The following CNTN3 variants were observed in gnomAD, a reference collection of about 807,000 sequenced individuals.
CNTN3 encodes contactin-3.
CNTN3 carries 60 observed loss-of-function variants against 119.1 expected under a neutral mutation model. The ratio of observed to expected loss-of-function variants is 0.50; its 90% confidence interval spans 0.41 to 0.62. The LOEUF (loss-of-function observed/expected upper bound fraction) is 0.62, where lower values mean the gene tolerates loss of function less well. CNTN3 is among the 20% of genes least tolerant of loss of function. CNTN3 has a pLI of 0.00. For synonymous variants in CNTN3, 450 were observed against 438.7 expected (o/e 1.03, Z -0.32); for missense variants, 1,101 against 1,242.4 (o/e 0.89, Z 1.71).
intron 16 of CNTN3, among the ~76,000 whole-genome samples, chr3:74,300,174 T>A (rs1252756728): frequency 1.3e-5 from 2 of 152,062 alleles, no homozygotes; most frequent in African/African-American, 4.8e-5. Flanking sequence ...TCTCAAACAG[T>A]AATAAAAACA....
intron 4 of CNTN3, among the ~76,000 whole-genome samples, chr3:74,449,547 T>C (rs976651245): frequency 6.6e-6 from 1 of 152,130 alleles, no homozygotes; most frequent in Non-Finnish European, 1.5e-5. Flanking sequence ...GAAGGGGTTT[T>C]GGATCTATTA....
intron 8 of CNTN3, among the ~76,000 whole-genome samples, chr3:74,368,201 A>T (rs1704245054): frequency 1.3e-5 from 2 of 152,128 alleles, no homozygotes; most frequent in Non-Finnish European, 1.5e-5. Flanking sequence ...TGCCAGAAGT[A>T]ATGCACTGGT....
chr3:74,521,575 C>A (rs564309979), intron 1 of CNTN3, among the ~76,000 whole-genome samples: 1 of 151,848 alleles, frequency 6.6e-6, no homozygotes, highest in East Asian at 1.9e-4. Flanking sequence ...AAGCAGATAT[C>A]TTGAAGCACT....
intron 2 of CNTN3, among the ~76,000 whole-genome samples, chr3:74,516,756 G>T (rs529365639): frequency 6.6e-6 from 1 of 151,028 alleles, no homozygotes; most frequent in Non-Finnish European, 1.5e-5. Flanking sequence ...AATTCCAGGC[G>T]CTGAGCTAGC....
intron 1 of CNTN3, among the ~76,000 whole-genome samples, chr3:74,598,072 C>G (rs1704843003): frequency 6.6e-6 from 1 of 151,966 alleles, no homozygotes; most frequent in Non-Finnish European, 1.5e-5. Context: ...CATGCTGCTC[C>G]TCCCCAGAAA....
At chr3:74,477,905 A>G (rs955608903) in intron 4 of CNTN3, among the ~76,000 whole-genome samples, 5 of 152,158 alleles carry the variant, frequency 3.3e-5, no homozygotes, top group African/African-American at 1.2e-4. Context: ...AGATGCAAGA[A>G]TGGGTGCAAG....
Position 74,576,487 on chromosome 3 carries a change from T to G in CNTN3, c.-81+37904A>C, listed in dbSNP as rs570601332. 1.6e-4 allele frequency among the ~76,000 whole-genome samples: 25 copies of G among 152,248 alleles called. No homozygotes were observed. The South Asian group carries it at 5.2e-3, about 32-fold the overall frequency. Reference sequence around the variant, plus strand: ...AGAGAAAAAAAAATAATTCTTAACCTGGACACAAGCAAGGAAGAAAAAATT... The same window carrying G: ...AGAGAAAAAAAAATAATTCTTAACCGGGACACAAGCAAGGAAGAAAAAATT... On this transcript the variant is annotated intron_variant, in intron 1 of 22. Transcript: ENST00000263665.
At chr3:74,319,496 A>C (rs1444223221) in intron 13 of CNTN3, among the ~76,000 whole-genome samples, 2 of 152,110 alleles carry the variant, frequency 1.3e-5, no homozygotes, top group Non-Finnish European at 2.9e-5. Context: ...CCTTCCTTAC[A>C]CCTTATACAA....
chr3:74,456,809 G>A (rs1702278292), intron 4 of CNTN3, among the ~76,000 whole-genome samples: 1 of 152,020 alleles, frequency 6.6e-6, no homozygotes, highest in Admixed American at 6.6e-5. Context: ...ATGAAAATGT[G>A]CTGCTCATTT....
intron 13 of CNTN3, among the ~76,000 whole-genome samples, chr3:74,309,630 A>G (rs1702638337): frequency 6.6e-6 from 1 of 152,184 alleles, no homozygotes; most frequent in Non-Finnish European, 1.5e-5. Flanking sequence ...GAGACTCTCT[A>G]GGTGATTCCA....
intron 4 of CNTN3, among the ~76,000 whole-genome samples, chr3:74,433,008 T>C (rs145842455): frequency 3.5e-4 from 53 of 152,168 alleles, no homozygotes; most frequent in African/African-American, 1.1e-3. Flanking sequence ...TTGGGTGACA[T>C]AGTTTATGGG....
chr3:74,460,798 T>C (rs1391299540), intron 4 of CNTN3, among the ~76,000 whole-genome samples: 3 of 71,190 alleles, frequency 4.2e-5, no homozygotes, highest in Non-Finnish European at 5.9e-5. Flanking sequence ...TATATATATA[T>C]ATATATATAT....
At chr3:74,547,629 C>T (rs1041758047) in intron 1 of CNTN3, among the ~76,000 whole-genome samples, 1 of 152,030 alleles carries the variant, frequency 6.6e-6, no homozygotes, top group African/African-American at 2.4e-5. Context: ...TGGTAGGTTT[C>T]CTTGTTCATT....
chr3:74,457,709 A>T (rs1429988350), intron 4 of CNTN3, among the ~76,000 whole-genome samples: 1 of 152,054 alleles, frequency 6.6e-6, no homozygotes, highest in Admixed American at 6.6e-5. Context: ...GTCAGAGAGA[A>T]TATAAAATCC....
chr3:74,363,412 C>T (rs969661405), intron 10 of CNTN3, among the ~76,000 whole-genome samples: 11 of 152,114 alleles, frequency 7.2e-5, no homozygotes, highest in Admixed American at 5.9e-4. Flanking sequence ...GTCCTTCACC[C>T]ACAATATGCT....
intron 11 of CNTN3, among the ~76,000 whole-genome samples, chr3:74,342,086 A>T (rs1388154228): frequency 6.6e-6 from 1 of 152,158 alleles, no homozygotes; most frequent in East Asian, 1.9e-4. Context: ...TACATGTAAG[A>T]CAAAAGTACT....
At chr3:74,415,156 C>T (rs76357030) in intron 5 of CNTN3, among the ~76,000 whole-genome samples, 2,590 of 152,164 alleles carry the variant, frequency 0.017, 78 homozygotes, top group African/African-American at 0.058. Context: ...AAGACTCGTA[C>T]GTCTTTAGAG....
chr3:74,554,018 A>C (rs1371014211), intron 1 of CNTN3, among the ~76,000 whole-genome samples: 2 of 151,986 alleles, frequency 1.3e-5, no homozygotes, highest in African/African-American at 4.8e-5. Context: ...ATGGTATTGC[A>C]CAGATTTTCT....
At chr3:74,320,699 C>G (rs1426418341) in intron 13 of CNTN3, among the ~76,000 whole-genome samples, 1 of 152,124 alleles carries the variant, frequency 6.6e-6, no homozygotes, top group Non-Finnish European at 1.5e-5. Context: ...AAAATTCAGA[C>G]AGATCCAACT....
Sources: gnomAD v4.1 joint callset for allele counts (sites outside exome capture counted in the v4.1 genomes callset) on GRCh38, gnomAD v4.1.1 for gene constraint, MANE v1.5 for transcripts, NCBI Gene and HGNC (gene_info 2026-07-23, HGNC 2026-07-21) for gene names.